Variants in CATSPERT observed in about 807,000 individuals in gnomAD.
The protein encoded by CATSPERT is cation channel sperm-associated targeting subunit tau.
At chr2:201,612,057 G>A in the CATSPERT span, among the ~76,000 whole-genome samples, 5 of 152,198 alleles carry the variant, frequency 3.3e-5, no homozygotes, top group Non-Finnish European at 7.3e-5. Flanking sequence ...TAATGATGAT[G>A]ATGGTGACAG....
At chr2:201,492,190 T>A in the CATSPERT span, 2 of 1,521,278 alleles carry the variant, frequency 1.3e-6, no homozygotes, top group East Asian at 4.9e-5. Context: ...ATATTTATTT[T>A]GCTTTTCTGA....
the CATSPERT span, among the ~76,000 whole-genome samples, chr2:201,506,712 C>G: frequency 6.6e-6 from 1 of 152,082 alleles, no homozygotes; most frequent in Admixed American, 6.5e-5. Flanking sequence ...TGCCACCATG[C>G]CTGGCTAATT....
the CATSPERT span, among the ~76,000 whole-genome samples, chr2:201,566,540 C>A: frequency 1.3e-5 from 2 of 151,966 alleles, no homozygotes; most frequent in Non-Finnish European, 2.9e-5. Context: ...TGAACTCATC[C>A]TTTTTTATGG....
the CATSPERT span, among the ~76,000 whole-genome samples, chr2:201,503,968 C>T: frequency 6.6e-6 from 1 of 152,168 alleles, no homozygotes; most frequent in Non-Finnish European, 1.5e-5. Context: ...ATGAGTCTTT[C>T]CACTCTGGCT....
the CATSPERT span, among the ~76,000 whole-genome samples, chr2:201,579,172 A>T: frequency 2.0e-5 from 3 of 152,006 alleles, no homozygotes; most frequent in African/African-American, 7.2e-5. Context: ...CAATTCTAGA[A>T]TTTTTTCTAA....
chr2:201,559,110 T>C, the CATSPERT span, among the ~76,000 whole-genome samples: 2 of 152,196 alleles, frequency 1.3e-5, no homozygotes, highest in African/African-American at 4.8e-5. Context: ...AGGGTGGCTA[T>C]GCACCCATGC....
chr2:201,510,805 A>G, the CATSPERT span, among the ~76,000 whole-genome samples: 1 of 152,258 alleles, frequency 6.6e-6, no homozygotes, highest in Non-Finnish European at 1.5e-5. Context: ...TAACCTAAGG[A>G]CCTTCTAAAC....
At chr2:201,612,617 G>A in the CATSPERT span, among the ~76,000 whole-genome samples, 1 of 145,168 alleles carries the variant, frequency 6.9e-6, no homozygotes, top group Non-Finnish European at 1.5e-5. Flanking sequence ...TAGCCAAATA[G>A]GAGCAGCTCC....
chr2:201,575,076 AGAG>A, the CATSPERT span, among the ~76,000 whole-genome samples: 1 of 131,100 alleles, frequency 7.6e-6, no homozygotes, highest in African/African-American at 2.7e-5. Flanking sequence ...AAGAGGAGGA[AGAG>A]GAGGAGGAGA....
At chr2:201,585,053 T>C in the CATSPERT span, among the ~76,000 whole-genome samples, 2 of 152,122 alleles carry the variant, frequency 1.3e-5, no homozygotes, top group African/African-American at 2.4e-5. Flanking sequence ...AGAAAATAAC[T>C]GCAAATTTAC....
At chr2:201,491,907 T>C in the CATSPERT span, 1 of 1,536,920 alleles carries the variant, frequency 6.5e-7, no homozygotes, top group Non-Finnish European at 8.7e-7. Flanking sequence ...GTTCTTTCCT[T>C]AGTTTCTTAA....
At chr2:201,501,814 A>C in the CATSPERT span, among the ~76,000 whole-genome samples, 1 of 152,210 alleles carries the variant, frequency 6.6e-6, no homozygotes, top group East Asian at 1.9e-4. Flanking sequence ...ACATCTCTTA[A>C]AAAAGCCAAA....
chr2:201,565,027 A>C, the CATSPERT span, among the ~76,000 whole-genome samples: 2 of 141,836 alleles, frequency 1.4e-5, no homozygotes, highest in African/African-American at 5.1e-5. Context: ...GAAACAAGAA[A>C]GAGCCTGTGA....
chr2:201,568,141 T>A, the CATSPERT span, among the ~76,000 whole-genome samples: 186 of 152,296 alleles, frequency 1.2e-3, no homozygotes, highest in African/African-American at 4.0e-3. Context: ...ACCCATACCA[T>A]GGACCCCTAG....
the CATSPERT span, among the ~76,000 whole-genome samples, chr2:201,495,185 GA>G: frequency 6.6e-6 from 1 of 151,560 alleles, no homozygotes; most frequent in African/African-American, 2.4e-5. Context: ...AGCAAGTAGT[GA>G]AAAGTACTGA....
At chr2:201,576,170 A>G in the CATSPERT span, among the ~76,000 whole-genome samples, 2,215 of 152,308 alleles carry the variant, frequency 0.015, 25 homozygotes, top group Non-Finnish European at 0.023. Context: ...TGCCATAACT[A>G]ACTCCATCTT....
At chr2:201,557,040 C>A in the CATSPERT span, 1 of 152,046 alleles carries the variant, frequency 6.6e-6, no homozygotes, top group Non-Finnish European at 1.5e-5. Context: ...CATTCCAGCT[C>A]TAATATACAT....
At chr2:201,532,381 T>C in the CATSPERT span, among the ~76,000 whole-genome samples, 2 of 152,190 alleles carry the variant, frequency 1.3e-5, no homozygotes, top group African/African-American at 2.4e-5. Flanking sequence ...GGAGGGAATC[T>C]AAATTAGGGG....
At chr2:201,542,273 CTA>C in the CATSPERT span, among the ~76,000 whole-genome samples, 8 of 152,126 alleles carry the variant, frequency 5.3e-5, no homozygotes, top group South Asian at 2.1e-4. Context: ...ATTCATTCAT[CTA>C]TGACATTTAG....
Sources: allele counts gnomAD v4.1 joint callset (sites outside exome capture counted in the v4.1 genomes callset), GRCh38; gene constraint gnomAD v4.1.1; transcripts MANE v1.5; gene names NCBI Gene and HGNC (gene_info 2026-07-23, HGNC 2026-07-21).